Variants in CDH13 observed in about 807,000 individuals in gnomAD.
CDH13 encodes cadherin 13, also known as cadherin-13.
A neutral mutation model predicts 63.8 loss-of-function variants in CDH13; 24 were observed. The ratio of observed to expected loss-of-function variants is 0.38; its 90% CI spans 0.27 to 0.53. The LOEUF (loss-of-function observed/expected upper bound fraction) is 0.53. CDH13 is among the 20% of genes least tolerant of loss of function. CDH13 has a pLI of 0.85. For missense variants in CDH13, 1,049 were observed against 903.1 expected, an observed-to-expected ratio of 1.16 and a Z score of -2.07; for synonymous variants, 503 against 355.3, an observed-to-expected ratio of 1.42 and a Z score of -4.67.
intron 7 of CDH13, among the ~76,000 whole-genome samples, chr16:83,551,968 G>T (rs1177905874): frequency 6.6e-6 from 1 of 152,186 alleles, no homozygotes; most frequent in Non-Finnish European, 1.5e-5. Flanking sequence ...GGATGGGTTG[G>T]TTAGCGGGTT....
At chr16:83,010,058 C>A (rs956031745) in intron 2 of CDH13, among the ~76,000 whole-genome samples, 1 of 142,956 alleles carries the variant, frequency 7.0e-6, no homozygotes, top group Non-Finnish European at 1.5e-5. Flanking sequence ...TCACTTCAAC[C>A]CAGGAGGTGG....
At chr16:83,242,652 G>A (rs1028542460) in intron 5 of CDH13, among the ~76,000 whole-genome samples, 2 of 152,174 alleles carry the variant, frequency 1.3e-5, no homozygotes, top group East Asian at 1.9e-4. Flanking sequence ...TCATAGAAGA[G>A]GCAAAATTCT....
At chr16:83,483,478 T>C (rs2073819490) in intron 6 of CDH13, among the ~76,000 whole-genome samples, 1 of 151,552 alleles carries the variant, frequency 6.6e-6, no homozygotes, top group Non-Finnish European at 1.5e-5. Flanking sequence ...TTTTTTTTTT[T>C]TTCTTCCTCT....
At chr16:82,854,452 T>C (rs1161432068) in intron 1 of CDH13, among the ~76,000 whole-genome samples, 1 of 150,076 alleles carries the variant, frequency 6.7e-6, no homozygotes, top group African/African-American at 2.5e-5. Context: ...TAGCAGTAAC[T>C]AGAACATTCT....
intron 2 of CDH13, among the ~76,000 whole-genome samples, chr16:82,866,197 G>T (rs1472140164): frequency 2.0e-5 from 3 of 151,912 alleles, no homozygotes; most frequent in African/African-American, 4.8e-5. Context: ...ACAAGTCTCT[G>T]GGAAGTTCCA....
At chr16:83,157,910 C>G (rs1054030067) in intron 4 of CDH13, among the ~76,000 whole-genome samples, 10 of 151,424 alleles carry the variant, frequency 6.6e-5, no homozygotes, top group African/African-American at 2.4e-4. Context: ...GAGACTCTGT[C>G]TCAAAAAAAA....
chr16:83,014,269 T>A (rs542932278), intron 2 of CDH13, among the ~76,000 whole-genome samples: 1 of 148,478 alleles, frequency 6.7e-6, no homozygotes, highest in East Asian at 2.0e-4. Context: ...AAATAAACAT[T>A]GTATTATCAA....
Position 83,730,623 on chromosome 16 carries a change from TTTTG to T in CDH13, c.1539-17473_1539-17470del, listed in dbSNP as rs765277919. Among the ~76,000 whole-genome samples the T allele has an allele frequency of 5.6e-3, 858 of 152,292 alleles. 3 individuals are homozygous for T. Among genetic ancestry groups the T allele is most frequent in the Middle Eastern group, 0.027 (8 of 294 alleles). On this transcript the variant is annotated intron_variant, in intron 10 of 13. Coordinates refer to ENST00000567109, the MANE Select transcript of CDH13 (RefSeq NM_001257.5). The stretch of plus-strand genomic sequence containing the variant: ...CTGGGTACAAAGGATCACCTGGGTT[TTTTG>T]TTTGTTTGTTTTTGTTTTGTTTTCG...
intron 4 of CDH13, among the ~76,000 whole-genome samples, chr16:83,213,783 G>A (rs916630606): frequency 3.9e-5 from 6 of 152,282 alleles, no homozygotes; most frequent in Admixed American, 3.9e-4. Flanking sequence ...GTGGAGTGGG[G>A]ACTTGCAGAA....
chr16:82,930,792 G>A (rs2042466111), intron 2 of CDH13, among the ~76,000 whole-genome samples: 1 of 152,086 alleles, frequency 6.6e-6, no homozygotes, highest in African/African-American at 2.4e-5. Flanking sequence ...AGGTGAGAAG[G>A]GCAGTGGGGA....
chr16:83,547,767 G>A (rs567893185), intron 7 of CDH13, among the ~76,000 whole-genome samples: 10 of 152,270 alleles, frequency 6.6e-5, no homozygotes, highest in Middle Eastern at 3.4e-3. Context: ...ACATATGCGT[G>A]CATGGGTCTT....
intron 5 of CDH13, among the ~76,000 whole-genome samples, chr16:83,333,382 G>C (rs62042579): frequency 0.014 from 2,162 of 152,216 alleles, 22 homozygotes; most frequent in Non-Finnish European, 0.022. Context: ...GGGAATGACT[G>C]ATTTCCTTAC....
intron 3 of CDH13, among the ~76,000 whole-genome samples, chr16:83,064,261 C>G (rs1388761613): frequency 3.9e-5 from 6 of 152,184 alleles, no homozygotes; most frequent in South Asian, 2.1e-4. Context: ...CCCAGCTATT[C>G]AAGAGGCTGA....
chr16:83,309,655 G>C (rs540229742), intron 5 of CDH13, among the ~76,000 whole-genome samples: 2 of 152,350 alleles, frequency 1.3e-5, no homozygotes, highest in South Asian at 2.1e-4. Context: ...GATTACAGGC[G>C]TGAGCCGCCA....
intron 6 of CDH13, among the ~76,000 whole-genome samples, chr16:83,410,667 A>C (rs920000458): frequency 3.9e-5 from 6 of 152,150 alleles, no homozygotes; most frequent in Non-Finnish European, 5.9e-5. Flanking sequence ...TACCCCATTT[A>C]TATATGCTAC....
chr16:83,501,900 C>A (rs894244987), intron 7 of CDH13, among the ~76,000 whole-genome samples: 16 of 152,290 alleles, frequency 1.1e-4, no homozygotes, highest in African/African-American at 3.1e-4. Flanking sequence ...ATTGAGTTTC[C>A]CTCAGCTCTT....
At chr16:82,888,252 G>A (rs1039057550) in intron 2 of CDH13, among the ~76,000 whole-genome samples, 3 of 152,162 alleles carry the variant, frequency 2.0e-5, no homozygotes, top group African/African-American at 7.2e-5. Context: ...CTCATTGCAG[G>A]CTGCCATTTT....
intron 6 of CDH13, among the ~76,000 whole-genome samples, chr16:83,353,494 C>T: frequency 6.6e-6 from 1 of 152,226 alleles, no homozygotes; most frequent in Middle Eastern, 3.2e-3. Context: ...GGAGAGAATG[C>T]CTGAACCCCT....
chr16:82,982,878 A>C (rs1344731471), intron 2 of CDH13, among the ~76,000 whole-genome samples: 1 of 152,168 alleles, frequency 6.6e-6, no homozygotes, highest in Non-Finnish European at 1.5e-5. Context: ...GAAGAAGTAA[A>C]TAAAACAGCT....
Sources: allele counts gnomAD v4.1 joint callset (sites outside exome capture counted in the v4.1 genomes callset), GRCh38; gene constraint gnomAD v4.1.1; transcripts MANE v1.5; gene names NCBI Gene and HGNC (gene_info 2026-07-23, HGNC 2026-07-21).